The following SPECC1 variants were observed in gnomAD, a reference collection of about 807,000 sequenced individuals.
SPECC1 encodes sperm antigen with calponin homology and coiled-coil domains 1.
Under a neutral mutation model 104.1 loss-of-function variants are expected in SPECC1, and 62 were observed. The ratio of observed to expected loss-of-function variants is 0.60; its 90% CI spans 0.49 to 0.74. SPECC1 has a LOEUF of 0.74. SPECC1 is among the 30% of genes least tolerant of loss of function. The pLI is 0.00. For synonymous variants in SPECC1, 513 were observed against 501.6 expected, an observed-to-expected ratio of 1.02 and a Z score of -0.30; for missense variants, 1,306 against 1,310.5, an observed-to-expected ratio of 1.00 and a Z score of 0.05.
Position 20,205,232 on chromosome 17 carries a change from C to A in SPECC1, c.1183C>A (p.Leu395Ile), listed in dbSNP as rs754329369. Residue 395 changes from leucine (L) to isoleucine (I), a missense_variant, in exon 4 of 15, where the codon CTA (leucine) becomes ATA (isoleucine). Physicochemically the swap from Leu to Ile is conservative, Grantham distance 5. This residue lies in a region of SPECC1 where 1,177 missense variants were observed against 1,139.9 expected (regional missense o/e 1.03). Transcript: ENST00000395527. ...HSTAEELQAT[L>I]QELSDQQQMV... ...CACTGCAGAAGAACTACAGGCTACT[C>A]TACAAGAATTATCAGACCAGCAACA... 5 of 1,613,978 alleles carry A rather than the reference C, an allele frequency of 3.1e-6. No homozygotes were observed. The African/African-American group carries it at 5.3e-5, about 17-fold the overall frequency.
chr17:20,116,013 A>G (rs978522728), intron 3 of SPECC1, among the ~76,000 whole-genome samples: 1 of 152,212 alleles, frequency 6.6e-6, no homozygotes, highest in African/African-American at 2.4e-5. Context: ...CTGAAATTCT[A>G]TTAGAGACAA....
chr17:20,309,235 A>G (rs925938681), intron 14 of SPECC1, among the ~76,000 whole-genome samples: 1 of 152,222 alleles, frequency 6.6e-6, no homozygotes, highest in East Asian at 1.9e-4. Context: ...TGAATTACAC[A>G]TGACACTTTA....
chr17:20,159,663 A>G (rs1161878718), intron 3 of SPECC1, among the ~76,000 whole-genome samples: 2 of 152,364 alleles, frequency 1.3e-5, no homozygotes, highest in African/African-American at 2.4e-5. Flanking sequence ...GAGTTGGGAC[A>G]TCATGACTTA....
rs2152524526 is a variant in SPECC1, at chr17:20,111,771, G to A, written c.283+1209G>A. On this transcript the variant is annotated intron_variant, in intron 3 of 14. Transcript: ENST00000395527. Reference sequence around the variant, plus strand: ...GCGGAAGGAGAAAAAGGTGGGAGGAGGATCGGGTGGGAGGGTGGTGGCTCA... The same window carrying A: ...GCGGAAGGAGAAAAAGGTGGGAGGAAGATCGGGTGGGAGGGTGGTGGCTCA... The A allele has an allele frequency of 4.0e-6, 3 of 753,156 alleles. No individual in the cohort carries two copies. In the East Asian group the frequency reaches 7.5e-5, roughly 19 times the overall value. The allele number at this position is 753,156 out of a possible 1,614,324, so 46.7% of individuals were successfully genotyped here. A position where few individuals can be genotyped will look rare whatever the true frequency, so the allele number is the denominator to read the frequency against.
intron 4 of SPECC1, among the ~76,000 whole-genome samples, chr17:20,214,717 AG>A (rs1185165456): frequency 3.9e-5 from 6 of 152,182 alleles, no homozygotes; most frequent in African/African-American, 1.4e-4. Flanking sequence ...CATGTTGGCC[AG>A]GCTGGTCTCA....
chr17:20,271,756 TC>T (rs773132564), intron 12 of SPECC1, among the ~76,000 whole-genome samples: 7 of 152,046 alleles, frequency 4.6e-5, no homozygotes, highest in Admixed American at 6.5e-5. Flanking sequence ...TTCTTTTTTT[TC>T]CCCTTTGTTT....
intron 3 of SPECC1, among the ~76,000 whole-genome samples, chr17:20,198,293 A>G (rs2036172506): frequency 6.6e-6 from 1 of 152,174 alleles, no homozygotes; most frequent in African/African-American, 2.4e-5. Context: ...TGAGTAACAG[A>G]AAAGATAGGA....
chr17:20,088,943 C>G (rs2047290200), intron 1 of SPECC1, among the ~76,000 whole-genome samples: 1 of 152,226 alleles, frequency 6.6e-6, no homozygotes. Context: ...CAAGAAGGCA[C>G]CTTCTGTGCG....
chr17:20,301,030 A>G (rs2041559141), intron 13 of SPECC1, among the ~76,000 whole-genome samples: 1 of 151,984 alleles, frequency 6.6e-6, no homozygotes, highest in African/African-American at 2.4e-5. Flanking sequence ...TAAATGCCCC[A>G]TCCTGGCCAC....
intron 1 of SPECC1, among the ~76,000 whole-genome samples, chr17:20,090,162 C>T (rs185790115): frequency 1.3e-5 from 2 of 152,268 alleles, no homozygotes; most frequent in South Asian, 2.1e-4. Flanking sequence ...GTTTCCTGGG[C>T]CTCCTGTTTG....
At chr17:20,138,780 CA>C (rs1378371583) in intron 3 of SPECC1, among the ~76,000 whole-genome samples, 1 of 152,204 alleles carries the variant, frequency 6.6e-6, no homozygotes, top group Non-Finnish European at 1.5e-5. Flanking sequence ...TACTGAAGGA[CA>C]TCCTGGTTGC....
intron 3 of SPECC1, among the ~76,000 whole-genome samples, chr17:20,160,609 G>C (rs2033049922): frequency 6.6e-6 from 1 of 152,000 alleles, no homozygotes; most frequent in Non-Finnish European, 1.5e-5. Context: ...AAACACCCAT[G>C]TACCAACCAC....
At chr17:20,059,314 G>T (rs1302189793) in intron 1 of SPECC1, among the ~76,000 whole-genome samples, 1 of 152,042 alleles carries the variant, frequency 6.6e-6, no homozygotes, top group Non-Finnish European at 1.5e-5. Flanking sequence ...GTCTCATAAA[G>T]AGCGGAAAAC....
At chr17:20,089,465 T>TA (rs952291155) in intron 1 of SPECC1, among the ~76,000 whole-genome samples, 529 of 38,440 alleles carry the variant, frequency 0.014, 4 homozygotes, top group African/African-American at 0.036. Flanking sequence ...CGCCTCTATA[T>TA]AAAAAAAAAA....
chr17:20,199,611 C>T (rs1233338927), intron 3 of SPECC1, among the ~76,000 whole-genome samples: 1 of 151,532 alleles, frequency 6.6e-6, no homozygotes, highest in Non-Finnish European at 1.5e-5. Flanking sequence ...CACTCTGTTG[C>T]CCAGGCTGTT....
At chr17:20,106,412 G>A (rs1267217856) in intron 2 of SPECC1, among the ~76,000 whole-genome samples, 1 of 152,168 alleles carries the variant, frequency 6.6e-6, no homozygotes, top group Non-Finnish European at 1.5e-5. Flanking sequence ...CCATTACAGA[G>A]TTCTCTAAGA....
chr17:20,238,404 CCTT>C (rs763757554), intron 7 of SPECC1: 55 of 1,041,320 alleles, frequency 5.3e-5, no homozygotes, highest in Middle Eastern at 4.4e-4. Flanking sequence ...CAGGCAGAAA[CCTT>C]CTGCAATCCT....
At chr17:20,064,600 C>G (rs935921986) in intron 1 of SPECC1, among the ~76,000 whole-genome samples, 1 of 152,114 alleles carries the variant, frequency 6.6e-6, no homozygotes, top group East Asian at 1.9e-4. Flanking sequence ...TCCATCCCTA[C>G]GGGACCTCTC....
At chr17:20,055,367 G>C (rs1232931181) in intron 1 of SPECC1, among the ~76,000 whole-genome samples, 2 of 151,696 alleles carry the variant, frequency 1.3e-5, no homozygotes, top group African/African-American at 4.8e-5. Flanking sequence ...CCACATCTTG[G>C]TTTTACTCTT....
Sources: allele counts gnomAD v4.1 joint callset (sites outside exome capture counted in the v4.1 genomes callset), GRCh38; gene constraint gnomAD v4.1.1; regional missense constraint gnomAD v4.1.1; transcripts MANE v1.5; gene names NCBI Gene and HGNC (gene_info 2026-07-23, HGNC 2026-07-21).